The following POLR1C variants were observed in gnomAD, a reference collection of about 807,000 sequenced individuals.
POLR1C encodes RNA polymerase I and III subunit C.
POLR1C carries 42 observed loss-of-function variants against 38.3 expected under a neutral mutation model. That is an observed-to-expected ratio of 1.10 (90% CI 0.86 to 1.42). The LOEUF (loss-of-function observed/expected upper bound fraction) is 1.42, where lower values mean the gene tolerates loss of function less well. POLR1C is among the 40% of genes most tolerant of loss of function. The pLI, the probability that POLR1C is intolerant of heterozygous loss-of-function variation, is 0.00. For missense variants in POLR1C, 507 were observed against 450.5 expected (o/e 1.13, Z -1.14); for synonymous variants, 163 against 163.9 (o/e 0.99, Z 0.04).
At chr6:43,546,520 T>G in intron 9 of POLR1C, 2 of 1,543,430 alleles carry the variant, frequency 1.3e-6, no homozygotes, top group Non-Finnish European at 1.7e-6. Flanking sequence ...ACTTTTGAAA[T>G]TTTTAAGGTA....
Position 43,521,040 on chromosome 6 carries a change from A to G in POLR1C, c.914A>G (p.His305Arg). The G allele has an allele frequency of 6.2e-7, 1 of 1,613,272 alleles. No homozygotes were observed. Among genetic ancestry groups the G allele is most frequent in the Non-Finnish European group, 8.5e-7 (1 of 1,179,202 alleles). The change falls in exon 8 of 9, where the codon CAT (histidine) becomes CGT (arginine). Residue 305 changes from histidine (H) to arginine (R), a missense_variant. Coordinates refer to ENST00000642195, the MANE Select transcript of POLR1C (RefSeq NM_203290.4). ...GTGAGGCTTGCCCGGGTTCGAGATC[A>G]TTATATCTGTGAGTATGAAGTGGTG... ...KVVRLARVRDHYIFSVESTGV... is the reference protein window; with the variant it reads ...KVVRLARVRDRYIFSVESTGV...
chr6:43,561,080 A>G, intron 10 of POLR1C: 3 of 1,233,730 alleles, frequency 2.4e-6, no homozygotes, highest in Non-Finnish European at 3.6e-6. Flanking sequence ...GGAAGTAATA[A>G]AAACAGATAA....
At chr6:43,535,569 T>A (rs986454485) in intron 9 of POLR1C, among the ~76,000 whole-genome samples, 3 of 151,888 alleles carry the variant, frequency 2.0e-5, no homozygotes, top group African/African-American at 7.3e-5. Context: ...GAAGTCATTC[T>A]AGAGGCCGGG....
chr6:43,520,145 A>T lies in POLR1C; in HGVS notation c.462A>T (p.Lys154Asn), dbSNP rs1156812893. ...GCACTCGGAACCCCCATGCTGCTAAAGATTCCTCTGACCCCAACGAACTGT... is the reference window on the plus strand; with the variant it reads ...GCACTCGGAACCCCCATGCTGCTAATGATTCCTCTGACCCCAACGAACTGT... Reference protein sequence around the residue: ...VRCTRNPHAAKDSSDPNELYV... With the variant: ...VRCTRNPHAANDSSDPNELYV... The change falls in exon 5 of 9, where the codon AAA (lysine) becomes AAT (asparagine). Residue 154 changes from lysine to asparagine, a missense_variant. By Grantham distance (94) the Lys-to-Asn change is moderately conservative. Transcript: ENST00000642195. The T allele has an allele frequency of 6.2e-7, 1 of 1,614,214 alleles. No homozygotes were observed. Among genetic ancestry groups the T allele is most frequent in the South Asian group, 1.1e-5 (1 of 91,090 alleles).
downstream of POLR1C, chr6:43,533,832 T>TA (rs1481101880): frequency 4.2e-6 from 5 of 1,200,836 alleles, no homozygotes; most frequent in Admixed American, 6.1e-5. Context: ...CTATGACTCT[T>TA]AAAAAACAAC....
rs1186769386 is a variant in POLR1C at position 43,560,130 on chromosome 6, T to A, written c.*49-1270T>A. ...CACCGCACCCAGCCTCAAAGTCTTATTATGTGTATTCACCTACATTCCACA... is the reference window on the plus strand; with the variant it reads ...CACCGCACCCAGCCTCAAAGTCTTAATATGTGTATTCACCTACATTCCACA... On this transcript the variant is annotated intron_variant, in intron 10 of 10. Coordinates refer to the POLR1C transcript ENST00000607635. The A allele has an allele frequency of 1.9e-6, 3 of 1,592,600 alleles. No homozygotes were observed. In the African/African-American group the frequency reaches 4.0e-5, roughly 21 times the overall value.
intron 2 of POLR1C, among the ~76,000 whole-genome samples, chr6:43,518,754 G>A (rs917650493): frequency 1.3e-5 from 2 of 152,192 alleles, no homozygotes; most frequent in African/African-American, 2.4e-5. Context: ...CGCGATCTTG[G>A]CTCACTGCAA....
chr6:43,520,205 G>A lies in POLR1C; in HGVS notation c.502+20G>A. On this transcript the variant is annotated intron_variant, in intron 5 of 8. Coordinates refer to ENST00000642195, the MANE Select transcript of POLR1C (RefSeq NM_203290.4). ...ACAAAGGTGAGTAGTGGTAGGGTGA[G>A]GAAGAGGCCCCACCTGTGGGTAGCT... is the stretch of plus-strand genomic sequence containing the variant. 6.2e-7 allele frequency: 1 copy of A among 1,614,172 alleles called. No homozygotes were observed.
rs1331922941 is a variant in POLR1C at position 43,558,568 on chromosome 6, G to C, written c.*49-2832G>C. The stretch of plus-strand genomic sequence containing the variant: ...ACCGAGAATATTCACAGCTAGGGCT[G>C]TCTGTTTTAGAAGGAAAGCCCATCT... On this transcript the variant is annotated intron_variant, in intron 10 of 10. Transcript: ENST00000607635. The C allele has an allele frequency of 3.1e-6, 5 of 1,597,514 alleles. No homozygotes were observed. The highest frequency in any genetic ancestry group is 3.4e-6 in the Non-Finnish European group (4 of 1,172,506).
At chr6:43,561,917 C>T (rs1762436970) in exon 11 of POLR1C, 1 of 180,294 alleles carries the variant, frequency 5.5e-6, no homozygotes, top group South Asian at 1.8e-4. Context: ...GTCCATGTTT[C>T]GTGGGCTAAC....
Position 43,536,181 on chromosome 6 carries a change from A to G in POLR1C, c.*4+6822A>G, listed in dbSNP as rs922572371. ...TGTAATCCCAGCACTTTGGGAGGCT[A>G]AGGCAGACGGATCACCTGAGGTCAG... On this transcript the variant is annotated intron_variant, in intron 9 of 10. Coordinates refer to the POLR1C transcript ENST00000607635. Among the ~76,000 whole-genome samples the G allele has an allele frequency of 9.9e-5, 15 of 151,538 alleles. No individual in the cohort carries two copies. The East Asian group carries it at 2.9e-3, about 29-fold the overall frequency.
exon 9 of POLR1C, chr6:43,529,564 AAAAAG>A (rs1338472229): frequency 5.5e-6 from 1 of 183,462 alleles, no homozygotes; most frequent in African/African-American, 2.4e-5. Flanking sequence ...AAAAAAAAAA[AAAAAG>A]AAAAGAAAGA....
At chr6:43,538,432 G>C (rs899228059) in intron 9 of POLR1C, among the ~76,000 whole-genome samples, 15 of 152,108 alleles carry the variant, frequency 9.9e-5, no homozygotes, top group Non-Finnish European at 1.8e-4. Flanking sequence ...TCACAAGCGT[G>C]AGGCACCACG....
At chr6:43,556,134 G>C (rs1471555262) in intron 10 of POLR1C, 139 of 854,956 alleles carry the variant, frequency 1.6e-4, no homozygotes, top group Non-Finnish European at 4.7e-5. Context: ...AACGAATCCA[G>C]AAGTTTTTGA....
Position 43,521,273 on chromosome 6 carries a change from T to A in POLR1C, c.1014T>A (p.Asp338Glu). The A allele has an allele frequency of 1.9e-6, 3 of 1,612,610 alleles. No homozygotes were observed. The South Asian group carries it at 3.3e-5, about 18-fold the overall frequency. Residue 338 changes from aspartate to glutamate, a missense_variant, in exon 9 of 9, where the codon GAT (aspartate) becomes GAA (glutamate). Coordinates refer to ENST00000642195, the MANE Select transcript of POLR1C (RefSeq NM_203290.4). ...TGGGGAAGTGCCGGCGCTTCTTGGATGAACTAGATGCGGTTCAGATGGACT... is the reference window on the plus strand; with the variant it reads ...TGGGGAAGTGCCGGCGCTTCTTGGAAGAACTAGATGCGGTTCAGATGGACT... ...VLMGKCRRFL[D>E]ELDAVQMD is the part of the protein sequence containing the mutation.
intron 9 of POLR1C, among the ~76,000 whole-genome samples, chr6:43,541,388 G>GT (rs1351315467): frequency 4.6e-5 from 7 of 152,176 alleles, no homozygotes; most frequent in African/African-American, 1.7e-4. Flanking sequence ...ATAAATATAT[G>GT]TATGTACTGT....
rs112153315 is a variant in POLR1C, at chr6:43,541,981, T to C, written c.*5-8987T>C. The stretch of plus-strand genomic sequence containing the variant: ...TTTTAGTAGAGATGGGGTTTCACCA[T>C]GTTGGCCACACTGGTCTTGAACTCT... On this transcript the variant is annotated intron_variant, in intron 9 of 10. Transcript: ENST00000607635. Among the ~76,000 whole-genome samples the C allele has an allele frequency of 4.6e-3, 707 of 152,250 alleles. 8 individuals are homozygous for C. Among genetic ancestry groups the C allele is most frequent in the African/African-American group, 0.016 (651 of 41,516 alleles).
chr6:43,527,598 A>T (rs1793681083), intron 8 of POLR1C: 1 of 1,608,674 alleles, frequency 6.2e-7, no homozygotes, highest in Admixed American at 1.7e-5. Context: ...CTTCCAGGAA[A>T]ATCCTCTATA....
chr6:43,517,089 A>T lies in POLR1C; in HGVS notation c.-21A>T, dbSNP rs190872536. On this transcript the variant is annotated 5_prime_UTR_variant, in exon 1 of 9. Transcript: ENST00000642195. ...GACGCACGCGCGAGATAGAACCTCT[A>T]GTCTCGTGGAGAGATTGAAGATGGC... is the stretch of plus-strand genomic sequence containing the variant. The T allele has an allele frequency of 8.1e-6, 13 of 1,610,362 alleles. No homozygotes were observed. The East Asian group carries it at 2.5e-4, about 30-fold the overall frequency.
Sources: allele counts gnomAD v4.1 joint callset (sites outside exome capture counted in the v4.1 genomes callset), GRCh38; gene constraint gnomAD v4.1.1; transcripts MANE v1.5; gene names NCBI Gene and HGNC (gene_info 2026-07-23, HGNC 2026-07-21).